The following XYLB variants were observed in gnomAD, a reference collection of about 807,000 sequenced individuals.
The protein encoded by XYLB is xylulokinase.
Under a neutral mutation model 78.7 loss-of-function variants are expected in XYLB, and 62 were observed. The observed-to-expected ratio is 0.79, with a 90% CI of 0.64 to 0.97. The LOEUF is 0.97. Ranked by LOEUF, XYLB falls within the 50% of genes least tolerant of loss-of-function variation. The probability of loss-of-function intolerance (pLI) is 0.00; values close to 1 mark genes in which losing one functional copy is unlikely to be tolerated. For missense variants in XYLB, 687 were observed against 676.8 expected, an observed-to-expected ratio of 1.02 and a Z score of -0.17; for synonymous variants, 245 against 247.4, an observed-to-expected ratio of 0.99 and a Z score of 0.09.
chr3:38,405,371 T>TAAA (rs1192762406), intron 18 of XYLB, among the ~76,000 whole-genome samples: 3 of 94,654 alleles, frequency 3.2e-5, no homozygotes, highest in Non-Finnish European at 6.4e-5. Context: ...CTCATCTCTT[T>TAAA]AAAAAAAAAA....
chr3:38,430,736 G>A, the XYLB span, among the ~76,000 whole-genome samples: 6 of 152,172 alleles, frequency 3.9e-5, no homozygotes, highest in African/African-American at 1.2e-4. Context: ...TTTGTATGAG[G>A]TGTAAAGAAG....
chr3:38,352,508 G>T (rs1053778555), intron 2 of XYLB, among the ~76,000 whole-genome samples: 1 of 152,164 alleles, frequency 6.6e-6, no homozygotes, highest in Non-Finnish European at 1.5e-5. Context: ...ATATTTCCAT[G>T]TAAAAACACT....
At chr3:38,412,165 A>G (rs1446614103) in intron 18 of XYLB, among the ~76,000 whole-genome samples, 1 of 151,796 alleles carries the variant, frequency 6.6e-6, no homozygotes, top group Non-Finnish European at 1.5e-5. Context: ...TAATTTTTGT[A>G]TTTTTAGTAG....
the XYLB span, among the ~76,000 whole-genome samples, chr3:38,450,118 A>G: frequency 2.6e-5 from 4 of 152,322 alleles, no homozygotes; most frequent in Non-Finnish European, 4.4e-5. Context: ...TACACTGTGA[A>G]TGGTACTCTC....
Position 38,414,275 on chromosome 3 carries a change from G to A in XYLB, c.*1262G>A, listed in dbSNP as rs1708714643. The A allele has an allele frequency of 6.6e-6, 1 of 152,168 alleles. No individual in the cohort carries two copies. The highest frequency in any genetic ancestry group is 2.1e-4 in the South Asian group (1 of 4,826). 9.4% of individuals were successfully genotyped at this position (152,168 alleles called of 1,614,324 possible). On this transcript the variant is annotated 3_prime_UTR_variant, in exon 19 of 19. Transcript: ENST00000207870. Reference sequence around the variant, plus strand: ...GCTTAGAAAATGAATGGGACCAAAGGCATCACTTCTGATGGAGATGAAGCC... The same window carrying A: ...GCTTAGAAAATGAATGGGACCAAAGACATCACTTCTGATGGAGATGAAGCC...
intron 17 of XYLB, among the ~76,000 whole-genome samples, chr3:38,399,284 A>T (rs1283179866): frequency 1.3e-5 from 2 of 151,612 alleles, no homozygotes; most frequent in Non-Finnish European, 2.9e-5. Context: ...TTTTGTAGAT[A>T]TAGGGTTTCG....
chr3:38,369,280 C>T (rs1352366356), intron 8 of XYLB, among the ~76,000 whole-genome samples: 3 of 152,186 alleles, frequency 2.0e-5, no homozygotes, highest in African/African-American at 7.2e-5. Flanking sequence ...TTCTGTAGAA[C>T]TCAGACAGGC....
intron 15 of XYLB, among the ~76,000 whole-genome samples, chr3:38,388,170 T>G (rs1375653250): frequency 1.3e-3 from 20 of 15,856 alleles, no homozygotes; most frequent in South Asian, 0.01. Flanking sequence ...TTTTTTTTTG[T>G]TTTTTTTTTT....
At chr3:38,376,785 G>A (rs1030574962) in intron 13 of XYLB, 133 bp from the exon 14 acceptor site, 14 of 660,118 alleles carry the variant, frequency 2.1e-5, no homozygotes, top group Non-Finnish European at 3.2e-5. Flanking sequence ...ATATTCACAG[G>A]TCTCATCTGG....
intron 7 of XYLB, among the ~76,000 whole-genome samples, chr3:38,367,352 A>G (rs1553652805): frequency 6.6e-6 from 1 of 152,222 alleles, no homozygotes; most frequent in Non-Finnish European, 1.5e-5. Context: ...CTGGCTCCAC[A>G]GTTGCTGAAG....
At chr3:38,402,004 A>G (rs1337837785) in intron 18 of XYLB, among the ~76,000 whole-genome samples, 3 of 152,086 alleles carry the variant, frequency 2.0e-5, no homozygotes, top group Non-Finnish European at 2.9e-5. Flanking sequence ...TCAGAGACAA[A>G]GGGCTTTATT....
In XYLB at chr3:38,400,953, C is replaced by T. The variant is rs374817181; in HGVS notation, c.1501C>T (p.Leu501=). ...EVVKLAPNPR[L]AATPSPGASQ... Reference sequence around the variant, plus strand: ...TGTGAAGTTAGCTCCAAATCCCAGACTAGCTGCTACCCCAAGCCCGGGAGC... The same window carrying T: ...TGTGAAGTTAGCTCCAAATCCCAGATTAGCTGCTACCCCAAGCCCGGGAGC... The change falls in exon 18 of 19, where the codon CTA becomes TTA. Residue 501 remains leucine (L), a synonymous_variant. Transcript: ENST00000207870. 6.8e-6 allele frequency: 11 copies of T among 1,614,084 alleles called. No individual in the cohort carries two copies. Among genetic ancestry groups the T allele is most frequent in the Non-Finnish European group, 6.8e-6 (8 of 1,180,036 alleles).
rs1391222773 is a variant in XYLB, at chr3:38,355,990, C to T, written c.141-4349C>T. The T allele has an allele frequency of 4.4e-5, 24 of 545,572 alleles. No individual in the cohort carries two copies. The East Asian group carries it at 6.5e-4, about 15-fold the overall frequency. The allele number at this position is 545,572 out of a possible 1,614,324, so 33.8% of individuals were successfully genotyped here. On this transcript the variant is annotated intron_variant, in intron 2 of 18. Transcript: ENST00000207870. Reference sequence around the variant, plus strand: ...CTGGGGCCAGGTGTGGTCGCTCACGCCTGTAATCCCAGCACTTTGGGATTA... The same window carrying T: ...CTGGGGCCAGGTGTGGTCGCTCACGTCTGTAATCCCAGCACTTTGGGATTA...
the XYLB span, among the ~76,000 whole-genome samples, chr3:38,443,642 C>T: frequency 1.3e-5 from 2 of 152,286 alleles, no homozygotes; most frequent in African/African-American, 4.8e-5. Context: ...TTTAATAATG[C>T]CTCCAGATTT....
intron 17 of XYLB, among the ~76,000 whole-genome samples, chr3:38,400,562 C>G (rs1268787118): frequency 1.3e-5 from 2 of 152,126 alleles, no homozygotes; most frequent in Non-Finnish European, 2.9e-5. Flanking sequence ...GCAGACCCTT[C>G]CCCATCATAT....
At chr3:38,360,182 C>A (rs993535116) in intron 2 of XYLB, among the ~76,000 whole-genome samples, 157 bp from the exon 3 acceptor site, 1 of 152,218 alleles carries the variant, frequency 6.6e-6, no homozygotes, top group African/African-American at 2.4e-5. Context: ...ATCTTTGCAG[C>A]CCTCGTGCCT....
At chr3:38,362,557 G>A (rs1706030132) in intron 3 of XYLB, among the ~76,000 whole-genome samples, 1 of 152,160 alleles carries the variant, frequency 6.6e-6, no homozygotes, top group Non-Finnish European at 1.5e-5. Context: ...AGCCACTTGG[G>A]AGGCTGAGAT....
intron 18 of XYLB, among the ~76,000 whole-genome samples, chr3:38,402,883 G>A (rs1270232951): frequency 6.6e-6 from 1 of 152,022 alleles, no homozygotes; most frequent in African/African-American, 2.4e-5. Context: ...AAAATATTCG[G>A]TTGCCTCATT....
At chr3:38,398,945 T>C (rs1414505794) in intron 17 of XYLB, among the ~76,000 whole-genome samples, 2 of 151,444 alleles carry the variant, frequency 1.3e-5, no homozygotes, top group Admixed American at 1.3e-4. Flanking sequence ...GGCAGGGGAA[T>C]AGCTTGAACT....
Sources: allele counts gnomAD v4.1 joint callset (sites outside exome capture counted in the v4.1 genomes callset), GRCh38; gene constraint gnomAD v4.1.1; transcripts MANE v1.5; gene names NCBI Gene and HGNC (gene_info 2026-07-23, HGNC 2026-07-21).